Variants in ITGAM observed in about 807,000 individuals in gnomAD.
The protein encoded by ITGAM is integrin subunit alpha M.
In ITGAM, 79 loss-of-function variants were observed where a neutral mutation model predicts 137.5. That is an observed-to-expected ratio of 0.57 (90% CI 0.48 to 0.69). ITGAM has a LOEUF of 0.69. Among genes scored for constraint, ITGAM ranks in the 30% least tolerant of loss-of-function variants. The pLI, the probability that ITGAM is intolerant of heterozygous loss-of-function variation, is 0.00. For missense variants in ITGAM, 1,343 were observed against 1,483.5 expected (o/e 0.91, Z 1.56); for synonymous variants, 583 against 592.3 (o/e 0.98, Z 0.23).
Position 31,270,967 on chromosome 16 carries a change from G to A in ITGAM, c.441G>A (p.Glu147=), listed in dbSNP as rs753997416. 1 of 1,570,756 alleles carries A rather than the reference G, an allele frequency of 6.4e-7. No individual in the cohort carries two copies. The highest frequency in any genetic ancestry group is 1.2e-5 in the South Asian group (1 of 84,192). Residue 147 remains glutamate (E), a synonymous_variant, in exon 6 of 30, where the codon GAG becomes GAA. Transcript: ENST00000544665. ...FPEALRGCPQ[E]DSDIAFLIDG... is the part of the protein sequence containing the mutation. ...CCCCTTCCCCAGGGTGTCCTCAAGA[G>A]GATAGTGACATTGCCTTCTTGATTG... is the stretch of plus-strand genomic sequence containing the variant.
At chr16:31,316,017 A>C (rs1156340589) in intron 14 of ITGAM, among the ~76,000 whole-genome samples, 2 of 86,820 alleles carry the variant, frequency 2.3e-5, no homozygotes, top group African/African-American at 9.4e-5. Flanking sequence ...ACAAGGTGAA[A>C]CCCCGTCTCT....
rs1276679467 is a variant in ITGAM at position 31,330,586 on chromosome 16, G to T, written c.3257G>T (p.Gly1086Val). Residue 1086 changes from glycine (G) to valine (V), a missense_variant, in exon 28 of 30, where the codon GGG becomes GTG. Gly to Val is a moderately radical substitution (Grantham distance 109). Transcript: ENST00000544665. ...DSVFTLLPGQ[G>V]AFVRSQTETK... The stretch of plus-strand genomic sequence containing the variant: ...GTGTTCACCCTGCTGCCGGGACAGG[G>T]GGCGTTTGTGAGGTCCCAGGTACCT... 1.9e-6 allele frequency: 3 copies of T among 1,610,550 alleles called. No homozygotes were observed.
Position 31,324,490 on chromosome 16 carries a change from A to C in ITGAM, c.2094A>C (p.Thr698=). 6.3e-7 allele frequency: 1 copy of C among 1,596,758 alleles called. No individual in the cohort carries two copies. The highest frequency in any genetic ancestry group is 8.5e-7 in the Non-Finnish European group (1 of 1,171,976). Residue 698 remains threonine, a synonymous_variant, in exon 17 of 30, where the codon ACA becomes ACC. Transcript: ENST00000544665. The surrounding 1 kb of genome is among the most constrained non-coding windows in gnomAD (Gnocchi z 4.5). ...RAVFNETKNS[T]RRQTQVLGLT... is the part of the protein sequence containing the mutation. ...TCTTCAATGAGACAAAGAACAGCAC[A>C]CGCAGACAGACACAGGTCTTGGGGC...
intron 14 of ITGAM, among the ~76,000 whole-genome samples, chr16:31,311,806 C>A (rs1164825310): frequency 6.6e-6 from 1 of 152,062 alleles, no homozygotes; most frequent in Non-Finnish European, 1.5e-5. Flanking sequence ...AAGGATTATA[C>A]ATCATGCTGC....
At chr16:31,268,194 G>T (rs891129551) in intron 5 of ITGAM, among the ~76,000 whole-genome samples, 4 of 152,032 alleles carry the variant, frequency 2.6e-5, no homozygotes, top group Non-Finnish European at 4.4e-5. Flanking sequence ...CCACCTAGGG[G>T]CACTGGGTTC....
chr16:31,327,313 G>A (rs987964780), intron 22 of ITGAM, among the ~76,000 whole-genome samples: 5 of 151,994 alleles, frequency 3.3e-5, no homozygotes, highest in African/African-American at 9.7e-5. Flanking sequence ...GGAGCTGGGC[G>A]TGCTGGCTCA....
chr16:31,303,000 T>TTTC, intron 14 of ITGAM, among the ~76,000 whole-genome samples: 2 of 130,540 alleles, frequency 1.5e-5, no homozygotes, highest in Non-Finnish European at 3.2e-5. Context: ...TTCTTTCTTT[T>TTTC]TCTTTCTCTC....
chr16:31,326,973 G>T, intron 22 of ITGAM, 38 bp downstream of exon 22: 1 of 1,472,636 alleles, frequency 6.8e-7, no homozygotes, highest in Non-Finnish European at 9.5e-7. Context: ...GCAGTTGCCC[G>T]TCTGACGCCC....
rs374369263 is a variant in ITGAM at position 31,321,663 on chromosome 16, G to T, written c.2002+36G>T. ...GTGGATGAGTCTCAAGAGGTTAAAC[G>T]ACCGAGGACATGAATGGGTGCTGCA... On this transcript the variant is annotated intron_variant, in intron 16 of 29. Transcript: ENST00000544665. 3.1e-6 allele frequency: 5 copies of T among 1,600,624 alleles called. No homozygotes were observed. The African/African-American group carries it at 4.0e-5, about 13-fold the overall frequency.
intron 14 of ITGAM, 49 bp from the exon 15 acceptor site, chr16:31,321,192 C>G: frequency 6.2e-7 from 1 of 1,606,326 alleles, no homozygotes; most frequent in Non-Finnish European, 8.5e-7. Context: ...TTATACATCT[C>G]CTGTCTTTCC....
chr16:31,317,510 T>C (rs994211394), intron 14 of ITGAM, among the ~76,000 whole-genome samples: 3 of 152,192 alleles, frequency 2.0e-5, no homozygotes, highest in Admixed American at 6.5e-5. Flanking sequence ...TCACCAGATA[T>C]TGAATCTGCT....
At chr16:31,325,240 G>A (rs773475983) in intron 19 of ITGAM, 23 bp from the exon 20 acceptor site, 6 of 1,599,794 alleles carry the variant, frequency 3.8e-6, no homozygotes, top group African/African-American at 2.7e-5. Flanking sequence ...CCCATCCCCC[G>A]GCCTGTCTTC....
At chr16:31,262,241 C>CCCTT (rs150381197) in intron 2 of ITGAM, among the ~76,000 whole-genome samples, 7 of 151,208 alleles carry the variant, frequency 4.6e-5, no homozygotes, top group South Asian at 2.1e-4. Context: ...CTCCCTTCCT[C>CCCTT]CCTTCCTTCC....
At chr16:31,267,767 C>T (rs1245991135) in intron 5 of ITGAM, among the ~76,000 whole-genome samples, 1 of 152,090 alleles carries the variant, frequency 6.6e-6, no homozygotes, top group Non-Finnish European at 1.5e-5. Context: ...ATTCTTGTGC[C>T]TCCGCCTCCA....
intron 12 of ITGAM, among the ~76,000 whole-genome samples, chr16:31,284,094 G>A (rs1393804384): frequency 2.0e-5 from 3 of 152,240 alleles, no homozygotes; most frequent in African/African-American, 4.8e-5. Context: ...TGGAAGCTTC[G>A]TTGCAGAGGG....
At chr16:31,312,417 GTATTTAT>G (rs1365378835) in intron 14 of ITGAM, among the ~76,000 whole-genome samples, 1 of 152,088 alleles carries the variant, frequency 6.6e-6, no homozygotes, top group Non-Finnish European at 1.5e-5. Flanking sequence ...GCATTAAAAT[GTATTTAT>G]TATTTATTAT....
At chr16:31,320,953 G>A (rs186651345) in intron 14 of ITGAM, among the ~76,000 whole-genome samples, 16 of 152,268 alleles carry the variant, frequency 1.1e-4, no homozygotes, top group Admixed American at 5.2e-4. Flanking sequence ...GGGCAGAATC[G>A]CTTGAGCCCA....
At chr16:31,323,865 T>C (rs2080475510) in intron 16 of ITGAM, among the ~76,000 whole-genome samples, 1 of 151,840 alleles carries the variant, frequency 6.6e-6, no homozygotes, top group Non-Finnish European at 1.5e-5. Context: ...ATACAAAAAT[T>C]AGCACGGCGT....
chr16:31,266,591 C>T (rs1181833383), intron 5 of ITGAM, among the ~76,000 whole-genome samples: 1 of 150,686 alleles, frequency 6.6e-6, no homozygotes, highest in East Asian at 1.9e-4. Context: ...GGCGTGGTGG[C>T]ACACACCTGC....
Sources: allele counts gnomAD v4.1 joint callset (sites outside exome capture counted in the v4.1 genomes callset), GRCh38; gene constraint gnomAD v4.1.1; non-coding constraint Gnocchi (gnomAD v3.1); transcripts MANE v1.5; gene names NCBI Gene and HGNC (gene_info 2026-07-23, HGNC 2026-07-21).